SH2D4B: variants seen among roughly 807,000 people sequenced by gnomAD.
The protein encoded by SH2D4B is SH2 domain-containing protein 4B.
Under a neutral mutation model 61.5 loss-of-function variants are expected in SH2D4B, and 45 were observed. The observed-to-expected ratio is 0.73, with a 90% CI of 0.58 to 0.94. The LOEUF (loss-of-function observed/expected upper bound fraction) is 0.94, where lower values mean the gene tolerates loss of function less well. SH2D4B is among the 40% of genes least tolerant of loss of function. The probability of loss-of-function intolerance (pLI) is 0.00; values close to 1 mark genes in which losing one functional copy is unlikely to be tolerated. For missense variants in SH2D4B, 572 were observed against 574.2 expected (o/e 1.00, Z 0.04); for synonymous variants, 224 against 220.4 (o/e 1.02, Z -0.14).
intron 4 of SH2D4B, among the ~76,000 whole-genome samples, chr10:80,597,451 A>T (rs1328202673): frequency 6.6e-6 from 1 of 152,164 alleles, no homozygotes; most frequent in African/African-American, 2.4e-5. Flanking sequence ...GGATCACCTG[A>T]GGTCAGGAGT....
At chr10:80,619,736 CT>C (rs1297274839) in intron 6 of SH2D4B, among the ~76,000 whole-genome samples, 3 of 152,234 alleles carry the variant, frequency 2.0e-5, no homozygotes, top group Non-Finnish European at 4.4e-5. Flanking sequence ...GAGAGATTTA[CT>C]TGTTCAAGAT....
At chr10:80,575,999 C>T (rs7072583) in intron 3 of SH2D4B, among the ~76,000 whole-genome samples, 27,008 of 152,158 alleles carry the variant, frequency 0.18, 3,177 homozygotes, top group East Asian at 0.37. Flanking sequence ...CTCTCCTAAC[C>T]GTGAAAGCAC....
rs1840357041 is a variant in SH2D4B at position 80,644,179 on chromosome 10, T to C, written c.*94T>C. On this transcript the variant is annotated 3_prime_UTR_variant, in exon 8 of 8. Transcript: ENST00000646907. ...TCAAATCCTATGGCCTTCTGGAAGA[T>C]CCACCACTATCCAAAGGAAAAAGTA... 1 of 942,042 alleles carries C rather than the reference T, an allele frequency of 1.1e-6. No individual in the cohort carries two copies. Among genetic ancestry groups the C allele is most frequent in the Non-Finnish European group, 1.7e-6 (1 of 601,166 alleles). The allele number at this position is 942,042 out of a possible 1,614,324, so 58.4% of individuals were successfully genotyped here.
At chr10:80,579,876 C>G (rs540639526) in intron 3 of SH2D4B, among the ~76,000 whole-genome samples, 1 of 152,192 alleles carries the variant, frequency 6.6e-6, no homozygotes, top group African/African-American at 2.4e-5. Context: ...GCAAGGCTGA[C>G]GCCGACAAAA....
chr10:80,620,876 C>T (rs370394617), intron 6 of SH2D4B, among the ~76,000 whole-genome samples: 2 of 152,196 alleles, frequency 1.3e-5, no homozygotes, highest in South Asian at 2.1e-4. Flanking sequence ...ATTTATTCAA[C>T]ACTCTTTATT....
chr10:80,632,844 G>T (rs1842848149), intron 6 of SH2D4B, among the ~76,000 whole-genome samples: 1 of 151,608 alleles, frequency 6.6e-6, no homozygotes, highest in Non-Finnish European at 1.5e-5. Flanking sequence ...TATTTTTCAG[G>T]TGTCCTGTGG....
intron 3 of SH2D4B, among the ~76,000 whole-genome samples, chr10:80,583,090 A>G (rs1474069819): frequency 6.6e-6 from 1 of 152,092 alleles, no homozygotes; most frequent in Non-Finnish European, 1.5e-5. Context: ...GCCGAGAAAA[A>G]CCTTTCACAT....
rs1393621893 is a variant in SH2D4B, at chr10:80,645,262, T to C, written c.*1177T>C. 1.3e-5 allele frequency: 2 copies of C among 152,204 alleles called. No homozygotes were observed. The highest frequency in any genetic ancestry group is 2.9e-5 in the Non-Finnish European group (2 of 68,046). 9.4% of individuals were successfully genotyped at this position (152,204 alleles called of 1,614,324 possible). A position where few individuals can be genotyped will look rare whatever the true frequency, so the allele number is the denominator to read the frequency against. ...TATCAAACATCTATGCCCCACTTCT[T>C]CTCTTGCCTCACCTATTCCTTAGAT... On this transcript the variant is annotated 3_prime_UTR_variant, in exon 8 of 8. Transcript: ENST00000646907.
chr10:80,627,147 A>G (rs2132156578), intron 6 of SH2D4B, among the ~76,000 whole-genome samples: 1 of 152,336 alleles, frequency 6.6e-6, no homozygotes, highest in African/African-American at 2.4e-5. Flanking sequence ...GGTAGGGGTC[A>G]GAGAGCCAGA....
At chr10:80,625,579 T>C (rs182118280) in intron 6 of SH2D4B, among the ~76,000 whole-genome samples, 1,635 of 148,574 alleles carry the variant, frequency 0.011, 29 homozygotes, top group Non-Finnish European at 0.013. Context: ...TTTTCTTTTT[T>C]TTTCTTTTTT....
chr10:80,609,543 G>A lies in SH2D4B; in HGVS notation c.980G>A (p.Trp327Ter), dbSNP rs1202704331. 2 of 1,614,046 alleles carry A rather than the reference G, an allele frequency of 1.2e-6. No homozygotes were observed. The highest frequency in any genetic ancestry group is 1.7e-6 in the Non-Finnish European group (2 of 1,180,036). ...AGGAACACCAAGTTCATCGCCCCCT[G>A]GTTCCATGGTAGCACCATTTTTCTG... ...FERNTKFIAPWFHGIISREDA... is the reference protein window; with the variant it reads ...FERNTKFIAP The change falls in exon 6 of 8, where the codon TGG becomes TAG. Residue 327 changes from tryptophan (W) to a stop codon, truncating the protein, a stop_gained. Transcript: ENST00000646907. LOFTEE classifies it high-confidence loss of function.
intron 6 of SH2D4B, among the ~76,000 whole-genome samples, chr10:80,623,833 C>T (rs1387982309): frequency 6.6e-6 from 1 of 152,176 alleles, no homozygotes; most frequent in African/African-American, 2.4e-5. Flanking sequence ...CTGTACAGTA[C>T]TCCACTGGGT....
chr10:80,543,020 C>T (rs1258161280), intron 1 of SH2D4B, among the ~76,000 whole-genome samples: 1 of 152,174 alleles, frequency 6.6e-6, no homozygotes, highest in Non-Finnish European at 1.5e-5. Context: ...CAGATGCAGC[C>T]CTGGCCTGGG....
intron 6 of SH2D4B, among the ~76,000 whole-genome samples, chr10:80,622,686 A>G (rs1589361043): frequency 6.6e-6 from 1 of 151,782 alleles, no homozygotes; most frequent in Non-Finnish European, 1.5e-5. Context: ...AACTCTCCCT[A>G]TTTTCAGCTG....
intron 6 of SH2D4B, among the ~76,000 whole-genome samples, chr10:80,627,219 GA>G (rs766240995): frequency 1.3e-4 from 20 of 152,192 alleles, no homozygotes; most frequent in Non-Finnish European, 2.5e-4. Context: ...AGCCCTCACT[GA>G]GCTGAAATCC....
intron 1 of SH2D4B, among the ~76,000 whole-genome samples, chr10:80,544,415 A>T (rs1357306155): frequency 6.6e-6 from 1 of 152,250 alleles, no homozygotes; most frequent in East Asian, 1.9e-4. Flanking sequence ...CCGTGGCTTT[A>T]TTCTTGAAGT....
chr10:80,569,930 G>A (rs1374328930), intron 1 of SH2D4B, among the ~76,000 whole-genome samples: 2 of 152,076 alleles, frequency 1.3e-5, no homozygotes, highest in Admixed American at 6.6e-5. Flanking sequence ...AGTCTTGGAC[G>A]CCCACCCCCG....
rs192534321 is a variant in SH2D4B, at chr10:80,577,752, C to T, written c.495+6174C>T. 2.6e-3 allele frequency among the ~76,000 whole-genome samples: 395 copies of T among 151,342 alleles called. 2 individuals carry two copies. The highest frequency in any genetic ancestry group is 8.9e-3 in the African/African-American group (368 of 41,214). The stretch of plus-strand genomic sequence containing the variant: ...TTTTTTTTTGTATTTTTAGTAGGGA[C>T]GGGGTTTCACCGTGTTAGCCAGGAT... On this transcript the variant is annotated intron_variant, in intron 3 of 7. Transcript: ENST00000646907.
intron 6 of SH2D4B, among the ~76,000 whole-genome samples, chr10:80,627,124 C>G (rs1255100995): frequency 1.3e-5 from 2 of 152,116 alleles, no homozygotes; most frequent in African/African-American, 4.8e-5. Flanking sequence ...AAAATGGAAG[C>G]CATTTCTGGG....
Sources: allele counts gnomAD v4.1 joint callset (sites outside exome capture counted in the v4.1 genomes callset), GRCh38; gene constraint gnomAD v4.1.1; transcripts MANE v1.5; gene names NCBI Gene and HGNC (gene_info 2026-07-23, HGNC 2026-07-21).